Variants in DAAM1 observed in about 807,000 individuals in gnomAD.
DAAM1 encodes the protein disheveled-associated activator of morphogenesis 1.
Under a neutral mutation model 130.0 loss-of-function variants are expected in DAAM1, and 52 were observed. That is an observed-to-expected ratio of 0.40 (90% confidence interval 0.32 to 0.50). The LOEUF (loss-of-function observed/expected upper bound fraction) is 0.50, where lower values mean the gene tolerates loss of function less well. Ranked by LOEUF, DAAM1 falls within the 20% of genes least tolerant of loss-of-function variation. DAAM1 has a pLI of 0.61. For missense variants in DAAM1, 1,134 were observed against 1,303.8 expected, an observed-to-expected ratio of 0.87 and a Z score of 2.01; for synonymous variants, 452 against 444.5, an observed-to-expected ratio of 1.02 and a Z score of -0.21.
chr14:59,205,895 A>C (rs2139401989), intron 1 of DAAM1, among the ~76,000 whole-genome samples: 1 of 152,218 alleles, frequency 6.6e-6, no homozygotes, highest in South Asian at 2.1e-4. Flanking sequence ...TCGGGTGGTA[A>C]GTTTTTTTGT....
intron 1 of DAAM1, among the ~76,000 whole-genome samples, chr14:59,226,730 G>C (rs1279441087): frequency 6.6e-6 from 1 of 152,170 alleles, no homozygotes; most frequent in Non-Finnish European, 1.5e-5. Flanking sequence ...CATTTTTGCT[G>C]AAGTAGAAGT....
chr14:59,289,599 G>A (rs548180911), intron 2 of DAAM1, among the ~76,000 whole-genome samples: 64 of 151,808 alleles, frequency 4.2e-4, no homozygotes, highest in African/African-American at 1.4e-3. Flanking sequence ...AATAGAACTA[G>A]CATTTGACCC....
chr14:59,244,928 C>T (rs1317471959), intron 1 of DAAM1, among the ~76,000 whole-genome samples: 1 of 152,184 alleles, frequency 6.6e-6, no homozygotes, highest in African/African-American at 2.4e-5. Context: ...ACATTTGTCA[C>T]AGCTCTGCTT....
chr14:59,326,115 GT>G (rs776633666), intron 10 of DAAM1, 38 bp downstream of exon 10: 6 of 1,581,508 alleles, frequency 3.8e-6, no homozygotes, highest in South Asian at 1.1e-5. Flanking sequence ...GCTTCTGAAT[GT>G]TTGGACATTG....
intron 1 of DAAM1, among the ~76,000 whole-genome samples, chr14:59,211,232 A>G (rs776062211): frequency 6.6e-6 from 1 of 152,210 alleles, no homozygotes; most frequent in African/African-American, 2.4e-5. Context: ...ACAGAATATA[A>G]TGAAGTGTTT....
chr14:59,357,148 C>T (rs376242412), intron 20 of DAAM1, among the ~76,000 whole-genome samples: 75 of 152,272 alleles, frequency 4.9e-4, no homozygotes, highest in South Asian at 1.2e-3. Flanking sequence ...TTATTTGGAT[C>T]GCAAACAAAT....
chr14:59,190,240 C>T (rs1247244689), intron 1 of DAAM1, among the ~76,000 whole-genome samples: 1 of 152,180 alleles, frequency 6.6e-6, no homozygotes, highest in Non-Finnish European at 1.5e-5. Flanking sequence ...AAACCCCTTT[C>T]CCTTCCCCGT....
rs1416645232 is a variant in DAAM1 at position 59,323,213 on chromosome 14, G to A, written c.762G>A (p.Arg254=). The A allele has an allele frequency of 1.3e-5, 21 of 1,605,774 alleles. No homozygotes were observed. Among genetic ancestry groups the A allele is most frequent in the Non-Finnish European group, 1.8e-5 (21 of 1,174,676 alleles). The change falls in exon 6 of 25, where the codon AGG becomes AGA. Residue 254 remains arginine, a synonymous_variant. Transcript: ENST00000360909. The part of the protein sequence containing the change: ...MLHYQKYASE[R]TRFQTLINDL... ...ACTACCAGAAGTATGCCAGCGAAAG[G>A]ACCCGCTTTCAGGTGGGTGTTCGCT...
At chr14:59,357,668 C>T (rs558811664) in intron 20 of DAAM1, among the ~76,000 whole-genome samples, 1 of 152,240 alleles carries the variant, frequency 6.6e-6, no homozygotes, top group Non-Finnish European at 1.5e-5. Flanking sequence ...GTCCCAGCTA[C>T]TCAGGAGGCT....
chr14:59,335,457 T>C (rs956087365), intron 15 of DAAM1, among the ~76,000 whole-genome samples: 4 of 152,210 alleles, frequency 2.6e-5, no homozygotes, highest in Non-Finnish European at 5.9e-5. Flanking sequence ...GCACATTGCA[T>C]AGCAGTACTT....
At chr14:59,234,423 C>G (rs1463258896) in intron 1 of DAAM1, among the ~76,000 whole-genome samples, 1 of 152,102 alleles carries the variant, frequency 6.6e-6, no homozygotes, top group African/African-American at 2.4e-5. Context: ...AGATTTGGCT[C>G]TCTGCTTGTC....
intron 22 of DAAM1, 101 bp from the exon 23 acceptor site, chr14:59,363,550 T>C: frequency 6.6e-7 from 1 of 1,515,658 alleles, no homozygotes; most frequent in Non-Finnish European, 8.9e-7. Flanking sequence ...GTGTTTGCCA[T>C]TCTGATTTAT....
chr14:59,310,224 C>G (rs867061858), intron 3 of DAAM1, among the ~76,000 whole-genome samples: 1 of 151,944 alleles, frequency 6.6e-6, no homozygotes, highest in Middle Eastern at 3.4e-3. Context: ...ATTCTCACGC[C>G]TTAGCCTCCT....
chr14:59,224,957 C>T (rs1003796975), intron 1 of DAAM1, among the ~76,000 whole-genome samples: 1 of 151,624 alleles, frequency 6.6e-6, no homozygotes. Context: ...TATGCTGGCA[C>T]CTTCACCTCA....
chr14:59,273,377 A>G (rs1320097237), intron 2 of DAAM1, among the ~76,000 whole-genome samples: 4 of 152,112 alleles, frequency 2.6e-5, no homozygotes, highest in African/African-American at 9.7e-5. Context: ...GATCAAGGAG[A>G]CTGAAATGAG....
intron 2 of DAAM1, among the ~76,000 whole-genome samples, chr14:59,270,659 T>A (rs1882670755): frequency 1.3e-5 from 2 of 152,198 alleles, no homozygotes; most frequent in Admixed American, 6.5e-5. Context: ...ATGCACCTCC[T>A]CTGGCTACTT....
At chr14:59,364,800 C>G (rs1886850525) in intron 23 of DAAM1, among the ~76,000 whole-genome samples, 1 of 150,868 alleles carries the variant, frequency 6.6e-6, no homozygotes, top group African/African-American at 2.5e-5. Flanking sequence ...TTCTTTCTAA[C>G]CTTATAAAAT....
At chr14:59,320,607 G>C (rs45610932) in intron 5 of DAAM1, 23 bp downstream of exon 5, 111,320 of 1,245,682 alleles carry the variant, frequency 0.089, 2,127 homozygotes, top group Non-Finnish European at 0.1. Flanking sequence ...TGGATGGCAT[G>C]TTTTTTTTTT....
chr14:59,367,391 C>T (rs772497927), intron 23 of DAAM1, 38 bp from the exon 24 acceptor site: 5 of 1,561,232 alleles, frequency 3.2e-6, no homozygotes, highest in Non-Finnish European at 4.3e-6. Context: ...GTGGAATTCT[C>T]ATGAAACATT....
Sources: allele counts gnomAD v4.1 joint callset (sites outside exome capture counted in the v4.1 genomes callset), GRCh38; gene constraint gnomAD v4.1.1; transcripts MANE v1.5; gene names NCBI Gene and HGNC (gene_info 2026-07-23, HGNC 2026-07-21).